Variants in ANO4 observed in about 807,000 individuals in gnomAD.
The protein encoded by ANO4 is anoctamin 4.
A neutral mutation model predicts 141.9 loss-of-function variants in ANO4; 69 were observed. The ratio of observed to expected loss-of-function variants is 0.49; its 90% CI spans 0.40 to 0.59. The LOEUF (loss-of-function observed/expected upper bound fraction) is 0.59, where lower values mean the gene tolerates loss of function less well. ANO4 is among the 20% of genes least tolerant of loss of function. The pLI is 0.00. For missense variants in ANO4, 894 were observed against 1,162.2 expected (o/e 0.77, Z 3.36); for synonymous variants, 350 against 394.3 (o/e 0.89, Z 1.33).
intron 17 of ANO4, among the ~76,000 whole-genome samples, chr12:101,092,377 T>C (rs1045926833): frequency 6.6e-6 from 1 of 152,214 alleles, no homozygotes; most frequent in African/African-American, 2.4e-5. Context: ...GTTACAGATA[T>C]TCACAATGAG....
At chr12:100,847,060 C>T (rs2037606325) in intron 1 of ANO4, among the ~76,000 whole-genome samples, 1 of 152,188 alleles carries the variant, frequency 6.6e-6, no homozygotes, top group South Asian at 2.1e-4. Flanking sequence ...CCCTTAGCAT[C>T]CTGGGCCTCC....
At chr12:100,780,570 TG>T (rs2033682938) in intron 3 of ANO4, among the ~76,000 whole-genome samples, 1 of 152,230 alleles carries the variant, frequency 6.6e-6, no homozygotes, top group African/African-American at 2.4e-5. Context: ...ATGGCACTGG[TG>T]GGAATGTCTT....
At chr12:101,016,948 A>G (rs2046340287) in intron 8 of ANO4, among the ~76,000 whole-genome samples, 1 of 152,230 alleles carries the variant, frequency 6.6e-6, no homozygotes, top group Non-Finnish European at 1.5e-5. Flanking sequence ...CTACTGGAGT[A>G]TATGCTGAGG....
At chr12:100,974,678 A>T (rs1339988178) in intron 6 of ANO4, 167 bp from the exon 7 acceptor site, 9 of 758,040 alleles carry the variant, frequency 1.2e-5, no homozygotes, top group African/African-American at 5.1e-5. Flanking sequence ...TCAAAAACGC[A>T]TGCCCTGTGT....
chr12:100,998,461 A>T (rs1020612154), intron 8 of ANO4, among the ~76,000 whole-genome samples: 1 of 151,870 alleles, frequency 6.6e-6, no homozygotes, highest in Non-Finnish European at 1.5e-5. Flanking sequence ...CTAATACAAC[A>T]CCCAAACTAA....
At chr12:100,730,888 C>T (rs1370277541) in intron 1 of ANO4, among the ~76,000 whole-genome samples, 2 of 152,226 alleles carry the variant, frequency 1.3e-5, no homozygotes, top group African/African-American at 4.8e-5. Context: ...GCACTGGCCT[C>T]TGAGAGCCAC....
At chr12:101,000,459 G>T (rs186162043) in intron 8 of ANO4, among the ~76,000 whole-genome samples, 8 of 152,012 alleles carry the variant, frequency 5.3e-5, no homozygotes, top group Non-Finnish European at 7.4e-5. Flanking sequence ...TGTTTTCATC[G>T]ATCTGAAATC....
intron 1 of ANO4, among the ~76,000 whole-genome samples, chr12:100,829,880 C>T (rs2036548919): frequency 6.6e-6 from 1 of 151,958 alleles, no homozygotes; most frequent in African/African-American, 2.4e-5. Context: ...AATCATTGTT[C>T]CTCCAGCATA....
rs112315017 is a variant in ANO4 at position 100,717,856 on chromosome 12, C to T, written c.22+309C>T. Among the ~76,000 whole-genome samples the T allele has an allele frequency of 2.3e-3, 354 of 152,304 alleles. 7 individuals carry two copies. Among genetic ancestry groups the T allele is most frequent in the African/African-American group, 8.2e-3 (340 of 41,564 alleles). On this transcript the variant is annotated intron_variant, in intron 1 of 29. Coordinates refer to the ANO4 transcript ENST00000644049. ...GGGGAAGGGACGCGGGTGTTAAGTC[C>T]TCCTCTAGCGGGGTGAGGCTTGGAG...
intron 6 of ANO4, among the ~76,000 whole-genome samples, chr12:100,973,970 T>C (rs61124841): frequency 0.035 from 5,337 of 152,280 alleles, 319 homozygotes; most frequent in African/African-American, 0.12. Flanking sequence ...ATATATAAAC[T>C]TACCATTTAC....
At chr12:100,941,598 T>G (rs75663697) in intron 4 of ANO4, among the ~76,000 whole-genome samples, 12,377 of 152,214 alleles carry the variant, frequency 0.081, 666 homozygotes, top group African/African-American at 0.13. Flanking sequence ...CATGGACATT[T>G]GAGTTGACTC....
At chr12:100,726,788 C>A (rs2031141367) in intron 1 of ANO4, among the ~76,000 whole-genome samples, 3 of 151,820 alleles carry the variant, frequency 2.0e-5, no homozygotes, top group Non-Finnish European at 2.9e-5. Flanking sequence ...GAATTCTGTT[C>A]TTTTAATTTA....
intron 2 of ANO4, among the ~76,000 whole-genome samples, chr12:100,912,144 C>A (rs1352303730): frequency 6.6e-6 from 1 of 151,962 alleles, no homozygotes; most frequent in African/African-American, 2.4e-5. Context: ...ATACGTAATC[C>A]TAGCACTTTG....
chr12:101,096,799 A>C (rs2136949420), intron 19 of ANO4, 152 bp downstream of exon 19: 62 of 611,674 alleles, frequency 1.0e-4, no homozygotes, highest in East Asian at 2.0e-4. Flanking sequence ...CCCAAATCTC[A>C]AAACCACCTG....
At chr12:100,808,726 A>C (rs960399758) in intron 1 of ANO4, among the ~76,000 whole-genome samples, 5 of 152,208 alleles carry the variant, frequency 3.3e-5, no homozygotes, top group African/African-American at 1.2e-4. Context: ...CGTAAAATAG[A>C]TTACCTGGGG....
chr12:101,084,168 C>T (rs2049393054), intron 16 of ANO4, among the ~76,000 whole-genome samples: 1 of 152,176 alleles, frequency 6.6e-6, no homozygotes, highest in African/African-American at 2.4e-5. Flanking sequence ...TCAAACTTTT[C>T]ACCATGCCCA....
chr12:100,850,557 C>T (rs2037809908), intron 1 of ANO4, among the ~76,000 whole-genome samples: 1 of 152,110 alleles, frequency 6.6e-6, no homozygotes, highest in Non-Finnish European at 1.5e-5. Context: ...ACCTGAAATA[C>T]TTATTATGAA....
At chr12:100,877,912 A>T (rs1045973916) in intron 1 of ANO4, among the ~76,000 whole-genome samples, 1 of 152,166 alleles carries the variant, frequency 6.6e-6, no homozygotes, top group African/African-American at 2.4e-5. Flanking sequence ...GCAGTATGTC[A>T]TATTTCAGAG....
chr12:100,878,052 A>G (rs1284815780), intron 1 of ANO4, among the ~76,000 whole-genome samples: 1 of 152,114 alleles, frequency 6.6e-6, no homozygotes, highest in African/African-American at 2.4e-5. Context: ...AGCATTATCT[A>G]AAAAGGGTAT....
Sources: gnomAD v4.1 joint callset for allele counts (sites outside exome capture counted in the v4.1 genomes callset) on GRCh38, gnomAD v4.1.1 for gene constraint, MANE v1.5 for transcripts, NCBI Gene and HGNC (gene_info 2026-07-23, HGNC 2026-07-21) for gene names.